The following ACBD5 variants were observed in gnomAD, a reference collection of about 807,000 sequenced individuals.
ACBD5 encodes acyl-CoA-binding domain-containing protein 5.
A neutral mutation model predicts 71.8 loss-of-function variants in ACBD5; 40 were observed. That is an observed-to-expected ratio of 0.56 (90% CI 0.43 to 0.72). The LOEUF (loss-of-function observed/expected upper bound fraction) is 0.72. Among genes scored for constraint, ACBD5 ranks in the 30% least tolerant of loss-of-function variants. The pLI, the probability that ACBD5 is intolerant of heterozygous loss-of-function variation, is 0.00. For synonymous variants in ACBD5, 229 were observed against 218.6 expected, an observed-to-expected ratio of 1.05 and a Z score of -0.42; for missense variants, 559 against 644.5, an observed-to-expected ratio of 0.87 and a Z score of 1.44.
In ACBD5 at chr10:27,210,928, C is replaced by T. The variant is rs773770820; in HGVS notation, c.1090G>A (p.Gly364Arg). The change falls in exon 9 of 13, where the codon GGA becomes AGA. Residue 364 changes from glycine (G) to arginine (R), a missense_variant. Transcript: ENST00000396271. Reference protein sequence around the residue: ...IGNMQVVAVEGKGEVKHGGED... With the variant: ...IGNMQVVAVERKGEVKHGGED... Reference sequence around the variant, plus strand: ...CCTCCATGCTTGACTTCACCTTTTCCTTCAACTGCAACCACCTGCATATTC... The same window carrying T: ...CCTCCATGCTTGACTTCACCTTTTCTTTCAACTGCAACCACCTGCATATTC... The T allele has an allele frequency of 1.2e-6, 2 of 1,614,184 alleles. No homozygotes were observed. The highest frequency in any genetic ancestry group is 1.7e-6 in the Non-Finnish European group (2 of 1,180,046).
chr10:27,240,220 GAA>G lies in ACBD5; in HGVS notation c.181+97_181+98del. 6.3e-7 allele frequency: 1 copy of G among 1,596,092 alleles called. No individual in the cohort carries two copies. The highest frequency in any genetic ancestry group is 1.3e-5 in the African/African-American group (1 of 74,644). On this transcript the variant is annotated intron_variant, in intron 2 of 12. Coordinates refer to ENST00000396271, the MANE Select transcript of ACBD5 (RefSeq NM_145698.5). This position sits in a 1 kb window ranked among gnomAD's most constrained non-coding sequence, Gnocchi z 4.1. ...CCTTCCACTACATGGCTCCTACACA[GAA>G]AAAAAGGCTAAATAAACAACACTAG... is the stretch of plus-strand genomic sequence containing the variant.
intron 4 of ACBD5, among the ~76,000 whole-genome samples, chr10:27,228,070 C>A (rs988606581): frequency 6.6e-6 from 1 of 151,868 alleles, no homozygotes; most frequent in Non-Finnish European, 1.5e-5. Context: ...AGTGATTATC[C>A]CAATCTCTTA....
chr10:27,192,433 G>A (rs140529486), downstream of ACBD5, among the ~76,000 whole-genome samples: 488 of 152,186 alleles, frequency 3.2e-3, 2 homozygotes, highest in Non-Finnish European at 5.3e-3. Context: ...TGTCACTGTG[G>A]TCAGGAGAAT....
intron 13 of ACBD5, among the ~76,000 whole-genome samples, chr10:27,185,012 A>T (rs1473271283): frequency 6.6e-6 from 1 of 152,188 alleles, no homozygotes; most frequent in African/African-American, 2.4e-5. Flanking sequence ...GCTAGAAGTC[A>T]ATATGTTGTA....
Position 27,235,199 on chromosome 10 carries a change from T to G in ACBD5, c.195A>C (p.Pro65=). ...AAAATTTAAGCATCATTTCATTTGT[T>G]GGCTGGAATGAACCTGTTGGAAACA... ...QSLPKNGSFQ[P]TNEMMLKFYS... Residue 65 remains proline, a synonymous_variant, in exon 3 of 13, where the codon CCA becomes CCC. Transcript: ENST00000396271. The G allele has an allele frequency of 6.2e-7, 1 of 1,614,006 alleles. No individual in the cohort carries two copies. Among genetic ancestry groups the G allele is most frequent in the Non-Finnish European group, 8.5e-7 (1 of 1,179,940 alleles).
chr10:27,184,649 C>T (rs1032398322), intron 13 of ACBD5, among the ~76,000 whole-genome samples: 5 of 148,444 alleles, frequency 3.4e-5, no homozygotes. Flanking sequence ...CAGCCTCAGC[C>T]TCCCAGGTTC....
intron 8 of ACBD5, among the ~76,000 whole-genome samples, chr10:27,212,438 T>C (rs1002438953): frequency 2.6e-5 from 4 of 152,152 alleles, no homozygotes; most frequent in Non-Finnish European, 5.9e-5. Flanking sequence ...ATCTGGTCCC[T>C]TTCATCAACC....
intron 13 of ACBD5, among the ~76,000 whole-genome samples, chr10:27,189,785 T>C (rs994820597): frequency 5.3e-5 from 8 of 150,680 alleles, no homozygotes; most frequent in Non-Finnish European, 1.0e-4. Flanking sequence ...TATATATATA[T>C]ATAAATAAAC....
chr10:27,215,668 G>A (rs779337679), intron 7 of ACBD5, 27 bp from the exon 8 acceptor site: 1 of 1,499,814 alleles, frequency 6.7e-7, no homozygotes, highest in Non-Finnish European at 9.3e-7. Flanking sequence ...GTGCAGATAG[G>A]GTAATTATAC....
chr10:27,237,529 A>C (rs1306403514), intron 2 of ACBD5, among the ~76,000 whole-genome samples: 1 of 152,236 alleles, frequency 6.6e-6, no homozygotes, highest in Admixed American at 6.5e-5. Flanking sequence ...AATCCATTAT[A>C]ACAAACTTCT....
chr10:27,219,099 C>T (rs957788894), intron 6 of ACBD5, among the ~76,000 whole-genome samples: 2 of 151,896 alleles, frequency 1.3e-5, no homozygotes, highest in African/African-American at 2.4e-5. Flanking sequence ...GTCAGGAGTC[C>T]AAGACCAGCC....
rs788201 is a variant in ACBD5, at chr10:27,201,304, G to C, written c.1565+3136C>G. On this transcript the variant is annotated intron_variant, in intron 12 of 12. Coordinates refer to ENST00000396271, the MANE Select transcript of ACBD5 (RefSeq NM_145698.5). ...CAACCAGGGACAGGTGTTACCACAG[G>C]AGACTGTTCAGGGCCTATTTCTGAA... is the stretch of plus-strand genomic sequence containing the variant. 2.6e-5 allele frequency among the ~76,000 whole-genome samples: 4 copies of C among 152,244 alleles called. No individual in the cohort carries two copies. The South Asian group carries it at 8.3e-4, about 32-fold the overall frequency.
chr10:27,233,251 A>C (rs2064136930), intron 3 of ACBD5, among the ~76,000 whole-genome samples: 1 of 152,124 alleles, frequency 6.6e-6, no homozygotes, highest in Non-Finnish European at 1.5e-5. Flanking sequence ...ACATGGTGAA[A>C]TTCTGTCTTT....
At chr10:27,189,629 G>T (rs1431991418) in intron 13 of ACBD5, among the ~76,000 whole-genome samples, 1 of 26,796 alleles carries the variant, frequency 3.7e-5, no homozygotes, top group East Asian at 5.5e-4. Context: ...TTGTGGGGTG[G>T]GGGGGAGGGA....
At chr10:27,232,967 T>C (rs1361121572) in intron 3 of ACBD5, among the ~76,000 whole-genome samples, 1 of 152,168 alleles carries the variant, frequency 6.6e-6, no homozygotes, top group East Asian at 1.9e-4. Flanking sequence ...TTAAGTTATA[T>C]GAAATAATAA....
At chr10:27,203,720 CA>C (rs1331815824) in intron 12 of ACBD5, among the ~76,000 whole-genome samples, 1 of 151,830 alleles carries the variant, frequency 6.6e-6, no homozygotes, top group Non-Finnish European at 1.5e-5. Flanking sequence ...GCCTGGGCAA[CA>C]AAAGCAAAAC....
At chr10:27,186,342 A>C in intron 13 of ACBD5, 1 of 1,573,076 alleles carries the variant, frequency 6.4e-7, no homozygotes, top group Non-Finnish European at 8.8e-7. Flanking sequence ...TACTTAGGTA[A>C]TGATATCATA....
chr10:27,185,618 C>CAAAAAA (rs34847161), intron 13 of ACBD5, among the ~76,000 whole-genome samples: 2 of 98,546 alleles, frequency 2.0e-5, no homozygotes, highest in Admixed American at 1.2e-4. Context: ...AGGTGACAGA[C>CAAAAAA]AAAAAAAAAA....
At chr10:27,231,152 A>G (rs1589333465) in intron 4 of ACBD5, among the ~76,000 whole-genome samples, 5 of 152,340 alleles carry the variant, frequency 3.3e-5, no homozygotes, top group African/African-American at 9.6e-5. Flanking sequence ...AGGGATTTCA[A>G]TATTTTCAAA....
Sources: allele counts gnomAD v4.1 joint callset (sites outside exome capture counted in the v4.1 genomes callset), GRCh38; gene constraint gnomAD v4.1.1; non-coding constraint Gnocchi (gnomAD v3.1); transcripts MANE v1.5; gene names NCBI Gene and HGNC (gene_info 2026-07-23, HGNC 2026-07-21).